Variants in ACER1 observed in about 807,000 individuals in gnomAD.
The protein encoded by ACER1 is alkaline ceramidase 1, also known as CTB-180A7.3.
In ACER1, 28 loss-of-function variants were observed where a neutral mutation model predicts 24.9. The ratio of observed to expected loss-of-function variants is 1.13; its 90% CI spans 0.83 to 1.54. The LOEUF (loss-of-function observed/expected upper bound fraction) is 1.54. Ranked by LOEUF, ACER1 falls within the 40% of genes most tolerant of loss-of-function variation. The pLI is 0.00. For missense variants in ACER1, 352 were observed against 349.3 expected (o/e 1.01, Z -0.06); for synonymous variants, 132 against 131.4 (o/e 1.00, Z -0.03).
At chr19:6,354,344 G>T in the ACER1 span, among the ~76,000 whole-genome samples, 1 of 151,624 alleles carries the variant, frequency 6.6e-6, no homozygotes, top group African/African-American at 2.4e-5. Context: ...AGGGGTGGGG[G>T]TGCTCCTGTT....
At chr19:6,311,631 G>GAGA (rs113299637) in intron 3 of ACER1, among the ~76,000 whole-genome samples, 27 of 148,316 alleles carry the variant, frequency 1.8e-4, no homozygotes, top group African/African-American at 6.1e-4. Context: ...GGAGGAGGAG[G>GAGA]AGAAGAAGAA....
intron 4 of ACER1, among the ~76,000 whole-genome samples, chr19:6,307,671 G>A (rs1249290951): frequency 1.3e-5 from 2 of 151,778 alleles, no homozygotes; most frequent in Non-Finnish European, 2.9e-5. Context: ...CATGCCTGCA[G>A]TTCCGGTTAC....
At chr19:6,357,042 CTTT>C in the ACER1 span, among the ~76,000 whole-genome samples, 6 of 124,500 alleles carry the variant, frequency 4.8e-5, no homozygotes, top group Non-Finnish European at 3.3e-5. Context: ...TGAGCTGAGA[CTTT>C]TTTTTTTTTT....
Position 6,320,608 on chromosome 19 carries a change from A to G in ACER1, c.94-8109T>C, listed in dbSNP as rs541263544. Among the ~76,000 whole-genome samples, 4 of 152,020 alleles carry G rather than the reference A, an allele frequency of 2.6e-5. No individual in the cohort carries two copies. The South Asian group carries it at 8.3e-4, about 32-fold the overall frequency. On this transcript the variant is annotated intron_variant, in intron 1 of 5. Transcript: ENST00000301452. The stretch of plus-strand genomic sequence containing the variant: ...GATTACAGGTGTGAGCCGCTGTGCC[A>G]TCCAAAATGCACACAATTAATTCCT...
chr19:6,327,350 A>G (rs373411662), intron 1 of ACER1, among the ~76,000 whole-genome samples: 2,299 of 151,872 alleles, frequency 0.015, 16 homozygotes, highest in Middle Eastern at 0.058. Context: ...CGGATCACAA[A>G]GTCAGGAGAT....
chr19:6,334,360 A>ATTTT, upstream of ACER1, among the ~76,000 whole-genome samples: 1 of 144,934 alleles, frequency 6.9e-6, no homozygotes, highest in Admixed American at 6.9e-5. Context: ...TTTTTTTAAA[A>ATTTT]TTGAGATGCA....
chr19:6,355,632 GCCCC>G, the ACER1 span, among the ~76,000 whole-genome samples: 1 of 133,858 alleles, frequency 7.5e-6, no homozygotes, highest in Non-Finnish European at 1.6e-5. Context: ...GGGGGGGTCA[GCCCC>G]CCGCCCGGCC....
chr19:6,324,629 G>T (rs572601956), intron 1 of ACER1, among the ~76,000 whole-genome samples: 2 of 151,598 alleles, frequency 1.3e-5, no homozygotes, highest in South Asian at 4.2e-4. Flanking sequence ...ACCGGGCGTG[G>T]TGGCACGTGC....
chr19:6,326,206 A>T (rs1228467092), intron 1 of ACER1, among the ~76,000 whole-genome samples: 3 of 147,760 alleles, frequency 2.0e-5, no homozygotes, highest in African/African-American at 7.5e-5. Flanking sequence ...GCTCACTGCA[A>T]GCTCCGCCTC....
At chr19:6,329,971 C>T (rs1239944274) in intron 1 of ACER1, among the ~76,000 whole-genome samples, 1 of 144,048 alleles carries the variant, frequency 6.9e-6, no homozygotes, top group Non-Finnish European at 1.5e-5. Flanking sequence ...ACCGGGTTCA[C>T]ATAATTCTCC....
chr19:6,355,797 T>G, the ACER1 span, among the ~76,000 whole-genome samples: 3 of 104,532 alleles, frequency 2.9e-5, no homozygotes, highest in South Asian at 3.0e-4. Flanking sequence ...GGGAGGGAGG[T>G]GGGGGGTTCA....
chr19:6,342,407 T>C, the ACER1 span, among the ~76,000 whole-genome samples: 2 of 151,486 alleles, frequency 1.3e-5, no homozygotes, highest in Admixed American at 6.6e-5. Flanking sequence ...AAAAAAATAA[T>C]AATAATCCAT....
At chr19:6,335,224 C>CTTTTTTTTTTTT (rs146932699), upstream of ACER1, among the ~76,000 whole-genome samples, 11 of 102,230 alleles carry the variant, frequency 1.1e-4, no homozygotes, top group Non-Finnish European at 1.6e-4. Context: ...ATTTAACGTT[C>CTTTTTTTTTTTT]TTTTTTTTTT....
At chr19:6,323,269 A>C (rs1322233751) in intron 1 of ACER1, among the ~76,000 whole-genome samples, 1 of 151,968 alleles carries the variant, frequency 6.6e-6, no homozygotes, top group African/African-American at 2.4e-5. Flanking sequence ...AAATACAAAA[A>C]ATTAGCTGGG....
intron 1 of ACER1, among the ~76,000 whole-genome samples, chr19:6,319,358 C>T (rs935498741): frequency 6.6e-6 from 1 of 152,260 alleles, no homozygotes; most frequent in East Asian, 1.9e-4. Context: ...CCCTGCTTCT[C>T]ATCCCACCCA....
the ACER1 span, among the ~76,000 whole-genome samples, chr19:6,357,762 C>CAA: frequency 9.0e-4 from 102 of 113,322 alleles, no homozygotes; most frequent in African/African-American, 2.8e-3. Context: ...GACCCCGTCT[C>CAA]AAAAAAAAAA....
the ACER1 span, among the ~76,000 whole-genome samples, chr19:6,348,712 G>A: frequency 1.1e-4 from 16 of 152,120 alleles, no homozygotes; most frequent in East Asian, 2.9e-3. Context: ...CAGATCCTGA[G>A]AAATAATTTG....
chr19:6,315,925 C>T (rs773193841), intron 1 of ACER1, among the ~76,000 whole-genome samples: 1 of 152,142 alleles, frequency 6.6e-6, no homozygotes, highest in African/African-American at 2.4e-5. Context: ...GTCAGGAATT[C>T]GAGACCAGCC....
the ACER1 span, among the ~76,000 whole-genome samples, chr19:6,343,180 C>T: frequency 6.6e-5 from 10 of 152,202 alleles, no homozygotes; most frequent in African/African-American, 2.4e-4. Flanking sequence ...AATAATTTGA[C>T]ATTACCTGAA....
Sources: gnomAD v4.1 joint callset for allele counts (sites outside exome capture counted in the v4.1 genomes callset) on GRCh38, gnomAD v4.1.1 for gene constraint, MANE v1.5 for transcripts, NCBI Gene and HGNC (gene_info 2026-07-23, HGNC 2026-07-21) for gene names.